Variants in OSBPL1A observed in about 807,000 individuals in gnomAD.
OSBPL1A encodes oxysterol-binding protein-related protein 1.
Under a neutral mutation model 137.1 loss-of-function variants are expected in OSBPL1A, and 80 were observed. The ratio of observed to expected loss-of-function variants is 0.58; its 90% CI spans 0.49 to 0.70. The LOEUF is 0.70. OSBPL1A is among the 30% of genes least tolerant of loss of function. The probability of loss-of-function intolerance (pLI) is 0.00; values close to 1 mark genes in which losing one functional copy is unlikely to be tolerated. For missense variants in OSBPL1A, 970 were observed against 1,129.4 expected, an observed-to-expected ratio of 0.86 and a Z score of 2.02; for synonymous variants, 365 against 389.7, an observed-to-expected ratio of 0.94 and a Z score of 0.75.
At chr18:24,275,155 A>G (rs1270560036) in intron 15 of OSBPL1A, among the ~76,000 whole-genome samples, 1 of 152,210 alleles carries the variant, frequency 6.6e-6, no homozygotes, top group Non-Finnish European at 1.5e-5. Flanking sequence ...AAAGTATCAC[A>G]TTTTCAAAAA....
At chr18:24,387,595 T>A (rs1294780792) in intron 1 of OSBPL1A, among the ~76,000 whole-genome samples, 10 of 152,124 alleles carry the variant, frequency 6.6e-5, no homozygotes, top group African/African-American at 1.9e-4. Flanking sequence ...CAATTTTTTT[T>A]AAAGAGATGG....
chr18:24,252,461 A>T (rs1007918314), intron 15 of OSBPL1A, among the ~76,000 whole-genome samples: 1 of 152,176 alleles, frequency 6.6e-6, no homozygotes, highest in Non-Finnish European at 1.5e-5. Flanking sequence ...ACCCTAGAAT[A>T]GTATATCTTG....
chr18:24,270,736 C>T (rs2089697276), intron 15 of OSBPL1A, among the ~76,000 whole-genome samples: 2 of 151,750 alleles, frequency 1.3e-5, no homozygotes, highest in African/African-American at 2.4e-5. Flanking sequence ...TATTTAGACA[C>T]CCCCCACCCC....
intron 1 of OSBPL1A, among the ~76,000 whole-genome samples, chr18:24,381,065 C>T (rs891720255): frequency 6.6e-6 from 1 of 152,132 alleles, no homozygotes; most frequent in Non-Finnish European, 1.5e-5. Flanking sequence ...CAGTGATACT[C>T]GTTAAAGCAT....
At chr18:24,307,204 C>T (rs2090520631) in intron 13 of OSBPL1A, among the ~76,000 whole-genome samples, 1 of 152,032 alleles carries the variant, frequency 6.6e-6, no homozygotes, top group Admixed American at 6.6e-5. Context: ...GATCACTTGA[C>T]CCCAGGTGGT....
At chr18:24,215,281 T>C (rs2087661556) in intron 17 of OSBPL1A, among the ~76,000 whole-genome samples, 2 of 152,198 alleles carry the variant, frequency 1.3e-5, no homozygotes, top group African/African-American at 2.4e-5. Flanking sequence ...TATGGTAAAA[T>C]GGATACTTTA....
At chr18:24,311,504 T>C (rs888168455) in intron 13 of OSBPL1A, 30 of 986,864 alleles carry the variant, frequency 3.0e-5, no homozygotes, top group Non-Finnish European at 3.6e-5. Context: ...TTCAGAAGAC[T>C]TCTCCATTCA....
At chr18:24,186,899 G>T (rs2086759799) in intron 18 of OSBPL1A, among the ~76,000 whole-genome samples, 1 of 59,976 alleles carries the variant, frequency 1.7e-5, no homozygotes, top group Non-Finnish European at 2.9e-5. Context: ...ACAAGACTCT[G>T]TCTCAAAAAA....
intron 27 of OSBPL1A, among the ~76,000 whole-genome samples, 186 bp downstream of exon 27, chr18:24,164,879 G>A (rs140770635): frequency 4.3e-4 from 65 of 152,318 alleles, no homozygotes; most frequent in African/African-American, 1.4e-3. Context: ...GAATCAACCT[G>A]TGTCCATCAA....
intron 15 of OSBPL1A, among the ~76,000 whole-genome samples, chr18:24,268,634 G>A (rs1185359015): frequency 2.0e-5 from 3 of 151,972 alleles, no homozygotes; most frequent in African/African-American, 7.3e-5. Context: ...TGTCCTCTGG[G>A]CAGCTTGTCT....
chr18:24,197,949 G>T (rs1279351320), intron 17 of OSBPL1A, among the ~76,000 whole-genome samples: 1 of 151,896 alleles, frequency 6.6e-6, no homozygotes, highest in Non-Finnish European at 1.5e-5. Flanking sequence ...ACCATGCCCG[G>T]CTAATTTTTT....
chr18:24,184,011 T>C (rs971184507), intron 18 of OSBPL1A, among the ~76,000 whole-genome samples: 9 of 152,192 alleles, frequency 5.9e-5, no homozygotes, highest in African/African-American at 1.7e-4. Context: ...ACTAATATAA[T>C]AGTATCTATC....
At chr18:24,377,584 C>T (rs1906284553) in intron 1 of OSBPL1A, 49 bp from the exon 2 acceptor site, 1 of 1,510,908 alleles carries the variant, frequency 6.6e-7, no homozygotes, top group Non-Finnish European at 8.9e-7. Context: ...ACATAATTAG[C>T]TTTTAGATAT....
intron 21 of OSBPL1A, among the ~76,000 whole-genome samples, chr18:24,177,671 G>A (rs1266962370): frequency 6.6e-6 from 1 of 152,148 alleles, no homozygotes; most frequent in Non-Finnish European, 1.5e-5. Flanking sequence ...ATTTCTCAGA[G>A]TGAATTCATT....
intron 15 of OSBPL1A, among the ~76,000 whole-genome samples, chr18:24,240,969 C>T (rs2088670999): frequency 6.6e-6 from 1 of 152,164 alleles, no homozygotes; most frequent in Non-Finnish European, 1.5e-5. Flanking sequence ...AGAAATAACA[C>T]CACACGTCTA....
At chr18:24,236,790 C>G (rs1181609862) in intron 16 of OSBPL1A, among the ~76,000 whole-genome samples, 2 of 152,170 alleles carry the variant, frequency 1.3e-5, no homozygotes, top group Admixed American at 1.3e-4. Flanking sequence ...TGAACTGGCA[C>G]TTGAGATGAA....
At chr18:24,242,110 A>T (rs2146013648) in intron 15 of OSBPL1A, among the ~76,000 whole-genome samples, 1 of 142,972 alleles carries the variant, frequency 7.0e-6, no homozygotes, top group East Asian at 2.3e-4. Context: ...GGAACATCAC[A>T]CACTGGGGCC....
chr18:24,321,657 G>A (rs369317424), intron 7 of OSBPL1A: 70 of 515,482 alleles, frequency 1.4e-4, no homozygotes, highest in Middle Eastern at 3.2e-4. Flanking sequence ...GGAGCACTGG[G>A]TATGTATGAA....
intron 11 of OSBPL1A, 140 bp from the exon 12 acceptor site, chr18:24,314,487 GA>G (rs1357551042): frequency 2.3e-5 from 12 of 527,536 alleles, no homozygotes; most frequent in East Asian, 2.1e-4. Flanking sequence ...ATAAAAATTG[GA>G]AAAAAATAGA....
Sources: allele counts gnomAD v4.1 joint callset (sites outside exome capture counted in the v4.1 genomes callset), GRCh38; gene constraint gnomAD v4.1.1; transcripts MANE v1.5; gene names NCBI Gene and HGNC (gene_info 2026-07-23, HGNC 2026-07-21).